KCNQ1: variants seen among roughly 807,000 people sequenced by gnomAD.
KCNQ1 encodes the protein potassium voltage-gated channel subfamily Q member 1.
Under a neutral mutation model 72.4 loss-of-function variants are expected in KCNQ1, and 49 were observed. The ratio of observed to expected loss-of-function variants is 0.68; its 90% CI spans 0.54 to 0.86. The LOEUF is 0.86. KCNQ1 is among the 40% of genes least tolerant of loss of function. The probability of loss-of-function intolerance (pLI) is 0.00; values close to 1 mark genes in which losing one functional copy is unlikely to be tolerated. For missense variants in KCNQ1, 790 were observed against 945.1 expected (o/e 0.84, Z 2.15); for synonymous variants, 450 against 412.6 (o/e 1.09, Z -1.10).
chr11:2,633,439 C>T (rs921932893), intron 10 of KCNQ1: 33 of 398,412 alleles, frequency 8.3e-5, no homozygotes, highest in Non-Finnish European at 1.3e-4. Context: ...CCCATAAAAT[C>T]TTCGCTAGAC....
In KCNQ1 at chr11:2,661,811, A is replaced by T; in HGVS notation, c.1394-150A>T. On this transcript the variant is annotated intron_variant, in intron 10 of 15. Transcript: ENST00000155840. This position sits in a 1 kb window ranked among gnomAD's most constrained non-coding sequence, Gnocchi z 5.9. ...CCATCTTAAACACCCACCCACCCCA[A>T]CACCCAACTATAAAACTGATTGTCA... is the stretch of plus-strand genomic sequence containing the variant. The T allele has an allele frequency of 1.0e-6, 1 of 956,156 alleles. No homozygotes were observed. The highest frequency in any genetic ancestry group is 1.6e-6 in the Non-Finnish European group (1 of 615,318). 59.2% of individuals were successfully genotyped at this position (956,156 alleles called of 1,614,324 possible).
At position 2,806,365 on chromosome 11, in the gene KCNQ1, G is replaced by A. The variant is rs191243961; in HGVS notation, c.1794+28328G>A. Among the ~76,000 whole-genome samples the A allele has an allele frequency of 4.6e-5, 7 of 152,310 alleles. No individual in the cohort carries two copies. In the East Asian group the frequency reaches 1.2e-3, roughly 25 times the overall value. Reference sequence around the variant, plus strand: ...GCAAGGGGACTTCCCTGCTGAGGACGCTAGCCCCTCCGTAATTTGTCTGTC... The same window carrying A: ...GCAAGGGGACTTCCCTGCTGAGGACACTAGCCCCTCCGTAATTTGTCTGTC... On this transcript the variant is annotated intron_variant, in intron 15 of 15. Coordinates refer to ENST00000155840, the MANE Select transcript of KCNQ1 (RefSeq NM_000218.3).
rs530842002 is a variant in KCNQ1, at chr11:2,623,686, G to A, written c.1393+34832G>A. The stretch of plus-strand genomic sequence containing the variant: ...CTACTCACCTATGGAAGGACATCTC[G>A]GTTGCTTCCAATTTCAACAATCACA... On this transcript the variant is annotated intron_variant, in intron 10 of 15. Transcript: ENST00000155840. The surrounding 1 kb of genome is among the most constrained non-coding windows in gnomAD (Gnocchi z 5.2). The A allele has an allele frequency of 5.6e-4, 223 of 398,362 alleles. No homozygotes were observed. Among genetic ancestry groups the A allele is most frequent in the African/African-American group, 4.1e-3 (198 of 48,676 alleles). 24.7% of individuals were successfully genotyped at this position (398,362 alleles called of 1,614,324 possible).
intron 10 of KCNQ1, chr11:2,631,199 C>T (rs984170494): frequency 5.0e-6 from 2 of 398,484 alleles, no homozygotes; most frequent in Non-Finnish European, 8.8e-6. Context: ...TCTCTACTTT[C>T]CTTCTATAAA....
chr11:2,716,618 C>T (rs1851096871), intron 11 of KCNQ1, among the ~76,000 whole-genome samples: 2 of 152,232 alleles, frequency 1.3e-5, no homozygotes, highest in South Asian at 4.1e-4. Flanking sequence ...ATTCCATTCC[C>T]TGCCTCCCAG....
intron 1 of KCNQ1, among the ~76,000 whole-genome samples, chr11:2,456,855 C>G (rs1253385059): frequency 6.9e-6 from 1 of 145,056 alleles, no homozygotes; most frequent in Non-Finnish European, 1.5e-5. Context: ...AGGAGAATGG[C>G]GTGAACCCAG....
intron 6 of KCNQ1, among the ~76,000 whole-genome samples, chr11:2,574,677 C>A (rs746213227): frequency 6.6e-6 from 1 of 152,240 alleles, no homozygotes; most frequent in East Asian, 1.9e-4. Flanking sequence ...CTCCCTCCCC[C>A]TCAACCGCCG....
At chr11:2,511,626 C>G (rs535730756) in intron 1 of KCNQ1, among the ~76,000 whole-genome samples, 1 of 152,194 alleles carries the variant, frequency 6.6e-6, no homozygotes, top group Non-Finnish European at 1.5e-5. Context: ...GATACCGAGA[C>G]AGAAATAAAA....
intron 11 of KCNQ1, among the ~76,000 whole-genome samples, chr11:2,757,742 C>T (rs767087327): frequency 2.0e-5 from 3 of 152,162 alleles, no homozygotes; most frequent in Non-Finnish European, 4.4e-5. Context: ...AACGAGGAAT[C>T]CAGAAATAGA....
chr11:2,620,224 A>C lies in KCNQ1; in HGVS notation c.1393+31370A>C. On this transcript the variant is annotated intron_variant, in intron 10 of 15. Coordinates refer to ENST00000155840, the MANE Select transcript of KCNQ1 (RefSeq NM_000218.3). This position sits in a 1 kb window ranked among gnomAD's most constrained non-coding sequence, Gnocchi z 4.5. Reference sequence around the variant, plus strand: ...GTATATATATATATTTTTTTTTTTTATTTTTTTTTTAGACGGAGTTTCGCT... The same window carrying C: ...GTATATATATATATTTTTTTTTTTTCTTTTTTTTTTAGACGGAGTTTCGCT... 1 of 225,824 alleles carries C rather than the reference A, an allele frequency of 4.4e-6. No homozygotes were observed. The highest frequency in any genetic ancestry group is 8.1e-5 in the East Asian group (1 of 12,414). 14.0% of individuals were successfully genotyped at this position (225,824 alleles called of 1,614,324 possible). A position where few individuals can be genotyped will look rare whatever the true frequency, so the allele number is the denominator to read the frequency against.
At chr11:2,675,287 CAG>C in intron 11 of KCNQ1, 1 of 398,506 alleles carries the variant, frequency 2.5e-6, no homozygotes, top group Non-Finnish European at 4.4e-6. Flanking sequence ...CTCCCAAAAG[CAG>C]AGTTTTGGCA....
chr11:2,449,232 C>T (rs568139047), intron 1 of KCNQ1, among the ~76,000 whole-genome samples: 1 of 152,366 alleles, frequency 6.6e-6, no homozygotes, highest in African/African-American at 2.4e-5. Context: ...TTCACCCGTG[C>T]CTGGCACTGA....
intron 10 of KCNQ1, chr11:2,636,157 C>A (rs1589995585): frequency 6.6e-6 from 1 of 152,170 alleles, no homozygotes; most frequent in African/African-American, 2.4e-5. Flanking sequence ...TCCTCTTTTC[C>A]TAATTGAATA....
chr11:2,646,244 G>C, intron 10 of KCNQ1: 1 of 398,630 alleles, frequency 2.5e-6, no homozygotes, highest in Non-Finnish European at 4.4e-6. Context: ...CCATCTTGAA[G>C]CCCCTGCTGA....
At chr11:2,578,292 A>G (rs1675137949) in intron 6 of KCNQ1, among the ~76,000 whole-genome samples, 1 of 152,070 alleles carries the variant, frequency 6.6e-6, no homozygotes, top group East Asian at 1.9e-4. Context: ...TGCCCCCCAC[A>G]CTCAGAGCCA....
At chr11:2,454,254 C>A (rs1296797240) in intron 1 of KCNQ1, among the ~76,000 whole-genome samples, 1 of 151,926 alleles carries the variant, frequency 6.6e-6, no homozygotes, top group Admixed American at 6.6e-5. Flanking sequence ...AATCAAGATG[C>A]CTCTGAATGT....
chr11:2,672,278 C>T (rs1352750305), intron 11 of KCNQ1: 5 of 398,522 alleles, frequency 1.3e-5, no homozygotes, highest in Non-Finnish European at 2.2e-5. Context: ...CCCCACGAAC[C>T]CCACCAGCTG....
At position 2,491,737 on chromosome 11, in the gene KCNQ1, A is replaced by T. The variant is rs959057269; in HGVS notation, c.387-36191A>T. Among the ~76,000 whole-genome samples, 1 of 152,200 alleles carries T rather than the reference A, an allele frequency of 6.6e-6. No individual in the cohort carries two copies. The highest frequency in any genetic ancestry group is 2.4e-5 in the African/African-American group (1 of 41,450). On this transcript the variant is annotated intron_variant, in intron 1 of 15. Coordinates refer to ENST00000155840, the MANE Select transcript of KCNQ1 (RefSeq NM_000218.3). This position sits in a 1 kb window ranked among gnomAD's most constrained non-coding sequence, Gnocchi z 4.1. ...AATACAAGAAGATTCTAGAATACCA[A>T]GCAGATTTAACCCAAAGAAGACTAC...
Position 2,661,685 on chromosome 11 carries a change from G to A in KCNQ1, c.1394-276G>A. On this transcript the variant is annotated intron_variant, in intron 10 of 15. Coordinates refer to ENST00000155840, the MANE Select transcript of KCNQ1 (RefSeq NM_000218.3). The surrounding 1 kb of genome is among the most constrained non-coding windows in gnomAD (Gnocchi z 5.9). ...AGGCCCAGAACCTGAGGTGGGGAGA[G>A]TCTTGGACACCTGAGCACAGCCCCA... is the stretch of plus-strand genomic sequence containing the variant. 5.0e-6 allele frequency: 3 copies of A among 601,666 alleles called. No homozygotes were observed. In the South Asian group the frequency reaches 5.9e-5, roughly 12 times the overall value. 37.3% of individuals were successfully genotyped at this position (601,666 alleles called of 1,614,324 possible). A position where few individuals can be genotyped will look rare whatever the true frequency, so the allele number is the denominator to read the frequency against.
Sources: allele counts gnomAD v4.1 joint callset (sites outside exome capture counted in the v4.1 genomes callset), GRCh38; gene constraint gnomAD v4.1.1; non-coding constraint Gnocchi (gnomAD v3.1); transcripts MANE v1.5; gene names NCBI Gene and HGNC (gene_info 2026-07-23, HGNC 2026-07-21).